FRMPD4: variants seen among roughly 807,000 people sequenced by gnomAD.
The protein encoded by FRMPD4 is FERM and PDZ domain containing 4, also known as FERM and PDZ domain-containing protein 4.
FRMPD4 carries 22 observed loss-of-function variants against 94.1 expected under a neutral mutation model. That is an observed-to-expected ratio of 0.23 (90% confidence interval 0.17 to 0.33). The LOEUF is 0.33. FRMPD4 is among the 10% of genes least tolerant of loss of function. The pLI, the probability that FRMPD4 is intolerant of heterozygous loss-of-function variation, is 1.00. For synonymous variants in FRMPD4, 631 were observed against 548.6 expected, an observed-to-expected ratio of 1.15 and a Z score of -2.10; for missense variants, 1,111 against 1,339.9, an observed-to-expected ratio of 0.83 and a Z score of 2.67.
chrX:12,477,918 C>T (rs2057624209), intron 1 of FRMPD4, among the ~76,000 whole-genome samples: 1 of 112,102 alleles, frequency 8.9e-6, no homozygotes, highest in Non-Finnish European at 1.9e-5. Context: ...AAGAACTACA[C>T]ATTTGGATTC....
At chrX:11,828,616 G>A (rs2053457489) in intron 1 of FRMPD4, among the ~76,000 whole-genome samples, 4 of 112,011 alleles carry the variant, frequency 3.6e-5, no homozygotes, top group Admixed American at 2.8e-4. Flanking sequence ...TCGAAAGTGG[G>A]CAAATGCTGC....
intron 3 of FRMPD4, among the ~76,000 whole-genome samples, chrX:11,933,090 G>C (rs1484233947): frequency 8.9e-6 from 1 of 111,860 alleles, no homozygotes; most frequent in Admixed American, 9.5e-5. Context: ...ATGCACAAGA[G>C]ATGAGAGCTC....
At chrX:12,699,846 T>C (rs1297672062) in intron 9 of FRMPD4, among the ~76,000 whole-genome samples, 2 of 112,250 alleles carry the variant, frequency 1.8e-5, no homozygotes, top group African/African-American at 6.5e-5. Flanking sequence ...TGGATAGCCA[T>C]GTAGAAATAG....
intron 3 of FRMPD4, among the ~76,000 whole-genome samples, chrX:11,921,378 T>C (rs1210594764): frequency 4.5e-5 from 5 of 111,596 alleles, no homozygotes; most frequent in Non-Finnish European, 9.4e-5. Context: ...TCCTATTGGA[T>C]TAGGGTCCCA....
At chrX:12,010,611 C>A (rs1019005885) in intron 3 of FRMPD4, among the ~76,000 whole-genome samples, 4 of 112,061 alleles carry the variant, frequency 3.6e-5, no homozygotes, top group African/African-American at 1.3e-4. Flanking sequence ...ATAATGAGCA[C>A]GTCTGTTTTC....
At chrX:12,584,131 A>G (rs755950589) in intron 2 of FRMPD4, among the ~76,000 whole-genome samples, 1 of 112,283 alleles carries the variant, frequency 8.9e-6, no homozygotes, top group East Asian at 2.8e-4. Context: ...AAGCCCCTTG[A>G]ACCTACCCGG....
At chrX:11,871,119 G>T (rs757996359) in intron 2 of FRMPD4, among the ~76,000 whole-genome samples, 4 of 112,524 alleles carry the variant, frequency 3.6e-5, no homozygotes, top group African/African-American at 1.3e-4. Context: ...CTTCAGGAAC[G>T]ATCCTCCATT....
At position 12,618,362 on chromosome X, in the gene FRMPD4, A is replaced by G. The variant is rs547212885; in HGVS notation, c.422+3481A>G. ...ACATCATATAAGGCACTGAGCATGT[A>G]TAGATACGTAGGCATGATTCTTGCC... On this transcript the variant is annotated intron_variant, in intron 4 of 16. Coordinates refer to ENST00000675598, the MANE Select transcript of FRMPD4 (RefSeq NM_001368397.1). Among the ~76,000 whole-genome samples the G allele has an allele frequency of 3.6e-5, 4 of 112,012 alleles. No homozygotes were observed. The South Asian group carries it at 1.1e-3, about 31-fold the overall frequency.
chrX:12,064,191 T>C (rs1287469859), intron 3 of FRMPD4, among the ~76,000 whole-genome samples: 1 of 112,680 alleles, frequency 8.9e-6, no homozygotes, highest in Non-Finnish European at 1.9e-5. Context: ...ACCATATTAT[T>C]TTTTGACCAC....
At chrX:12,430,003 C>T (rs1268029303) in intron 1 of FRMPD4, among the ~76,000 whole-genome samples, 1 of 112,050 alleles carries the variant, frequency 8.9e-6, no homozygotes, top group Non-Finnish European at 1.9e-5. Context: ...GGGCCTTTAT[C>T]TTGGGCTTTC....
chrX:12,072,584 A>G (rs1260271392), intron 3 of FRMPD4, among the ~76,000 whole-genome samples: 1 of 111,891 alleles, frequency 8.9e-6, no homozygotes, highest in Non-Finnish European at 1.9e-5. Flanking sequence ...TTCTTTCCCT[A>G]AGTATTACAT....
intron 1 of FRMPD4, among the ~76,000 whole-genome samples, chrX:12,404,209 A>G (rs1020167007): frequency 8.9e-6 from 1 of 111,859 alleles, no homozygotes; most frequent in African/African-American, 3.2e-5. Context: ...TTACATATAC[A>G]CAATATCATT....
chrX:12,293,571 C>T (rs1170011989), intron 1 of FRMPD4, among the ~76,000 whole-genome samples: 1 of 112,738 alleles, frequency 8.9e-6, no homozygotes, highest in Non-Finnish European at 1.9e-5. Flanking sequence ...TAAGCCAAGG[C>T]TGCTGACTCT....
chrX:12,404,260 G>C (rs780108876), intron 1 of FRMPD4, among the ~76,000 whole-genome samples: 1 of 111,708 alleles, frequency 9.0e-6, no homozygotes, highest in East Asian at 2.8e-4. Context: ...AAATCACGTA[G>C]TACCCAGTCC....
At chrX:11,958,768 C>A (rs763056076) in intron 3 of FRMPD4, among the ~76,000 whole-genome samples, 1 of 112,013 alleles carries the variant, frequency 8.9e-6, no homozygotes, top group Admixed American at 9.5e-5. Context: ...ATATTTAGAT[C>A]CCTAAGATAC....
intron 1 of FRMPD4, among the ~76,000 whole-genome samples, chrX:12,165,500 T>C (rs2056101078): frequency 8.9e-6 from 1 of 111,921 alleles, no homozygotes; most frequent in Non-Finnish European, 1.9e-5. Flanking sequence ...TCCAGCTTTG[T>C]TCTTTTGGCT....
At chrX:12,398,031 G>A (rs2056565533) in intron 1 of FRMPD4, among the ~76,000 whole-genome samples, 1 of 111,235 alleles carries the variant, frequency 9.0e-6, no homozygotes. Flanking sequence ...ATCACTGGGG[G>A]TCCTTTCTCC....
intron 3 of FRMPD4, among the ~76,000 whole-genome samples, chrX:11,927,842 A>G (rs748679815): frequency 1.8e-5 from 2 of 112,051 alleles, no homozygotes; most frequent in Non-Finnish European, 3.8e-5. Flanking sequence ...GCACAGGTAC[A>G]GGTAAAGATT....
At chrX:12,643,288 ATT>A (rs2059516773) in intron 4 of FRMPD4, among the ~76,000 whole-genome samples, 1 of 109,859 alleles carries the variant, frequency 9.1e-6, no homozygotes, top group African/African-American at 3.3e-5. Context: ...TACCTGGCTA[ATT>A]TTTTTGTATT....
Sources: allele counts gnomAD v4.1 joint callset (sites outside exome capture counted in the v4.1 genomes callset), GRCh38; gene constraint gnomAD v4.1.1; transcripts MANE v1.5; gene names NCBI Gene and HGNC (gene_info 2026-07-23, HGNC 2026-07-21).